PACS2: variants seen among roughly 807,000 people sequenced by gnomAD.
PACS2 encodes phosphofurin acidic cluster sorting protein 2.
Under a neutral mutation model 113.0 loss-of-function variants are expected in PACS2, and 36 were observed. The ratio of observed to expected loss-of-function variants is 0.32; its 90% CI spans 0.24 to 0.42. PACS2 has a LOEUF of 0.42. PACS2 is among the 10% of genes least tolerant of loss of function. The probability of loss-of-function intolerance (pLI) is 1.00; values close to 1 mark genes in which losing one functional copy is unlikely to be tolerated. For synonymous variants in PACS2, 589 were observed against 536.1 expected (o/e 1.10, Z -1.36); for missense variants, 1,015 against 1,239.5 (o/e 0.82, Z 2.72).
At chr14:105,364,270 G>A (rs1170170274) in intron 4 of PACS2, among the ~76,000 whole-genome samples, 2 of 151,688 alleles carry the variant, frequency 1.3e-5, no homozygotes, top group East Asian at 1.9e-4. Flanking sequence ...GCTGCAGCCC[G>A]GGTGCGCGGT....
At chr14:105,325,545 A>G (rs947834034) in intron 1 of PACS2, among the ~76,000 whole-genome samples, 1 of 152,204 alleles carries the variant, frequency 6.6e-6, no homozygotes, top group Non-Finnish European at 1.5e-5. Flanking sequence ...AGCAGCTGGC[A>G]GCAGCCGCCA....
intron 1 of PACS2, among the ~76,000 whole-genome samples, chr14:105,322,670 A>T (rs1595567036): frequency 1.3e-5 from 2 of 152,292 alleles, no homozygotes; most frequent in South Asian, 4.1e-4. Context: ...TTTCATGTTT[A>T]TATTTATATG....
At chr14:105,386,900 C>CTG (rs1311261948) in intron 19 of PACS2, among the ~76,000 whole-genome samples, 1 of 152,228 alleles carries the variant, frequency 6.6e-6, no homozygotes, top group Admixed American at 6.5e-5. Context: ...TGCCCCCTGG[C>CTG]TGTGGCACGA....
intron 24 of PACS2, chr14:105,393,593 GTT>G (rs1371106566): frequency 8.3e-4 from 255 of 308,228 alleles, no homozygotes; most frequent in South Asian, 1.5e-3. Flanking sequence ...TTTTGTTTTG[GTT>G]TTTTTTTTTT....
intron 4 of PACS2, among the ~76,000 whole-genome samples, chr14:105,361,795 C>G (rs143235945): frequency 0.013 from 2,033 of 152,038 alleles, 50 homozygotes; most frequent in African/African-American, 0.046. Flanking sequence ...ACTAAAAATA[C>G]AAAATTAGCT....
chr14:105,329,302 C>T lies in PACS2; in HGVS notation c.119+14265C>T, dbSNP rs1008293673. ...TGTGATCTCTGTCCCCGTCTTCTCCCGGCTTCCTTGGGTCCTGTGTGCCCA... is the reference window on the plus strand; with the variant it reads ...TGTGATCTCTGTCCCCGTCTTCTCCTGGCTTCCTTGGGTCCTGTGTGCCCA... On this transcript the variant is annotated intron_variant, in intron 1 of 24. Transcript: ENST00000447393. This position sits in a 1 kb window ranked among gnomAD's most constrained non-coding sequence, Gnocchi z 6.4. Among the ~76,000 whole-genome samples, 4 of 152,174 alleles carry T rather than the reference C, an allele frequency of 2.6e-5. No individual in the cohort carries two copies. The highest frequency in any genetic ancestry group is 1.9e-4 in the East Asian group (1 of 5,194).
At chr14:105,338,976 A>G (rs2059625768) in intron 1 of PACS2, among the ~76,000 whole-genome samples, 1 of 152,144 alleles carries the variant, frequency 6.6e-6, no homozygotes, top group East Asian at 1.9e-4. Context: ...CCTGCCTTCA[A>G]CTGACTGCAG....
In PACS2 at chr14:105,355,159, C is replaced by T; in HGVS notation, c.405C>T (p.Gly135=). 1.2e-6 allele frequency: 2 copies of T among 1,613,362 alleles called. No individual in the cohort carries two copies. Among genetic ancestry groups the T allele is most frequent in the Non-Finnish European group, 1.7e-6 (2 of 1,179,910 alleles). ...TILGYKTLAA[G]SISMAEVMQH... ...TGGGCTACAAGACGCTGGCCGCGGG[C>T]TCCATCAGCATGGCTGAGGTGAGTG... Residue 135 remains glycine (G), a synonymous_variant, in exon 4 of 25, where the codon GGC becomes GGT. Transcript: ENST00000447393. The surrounding 1 kb of genome is among the most constrained non-coding windows in gnomAD (Gnocchi z 4.1).
chr14:105,367,063 T>C, intron 4 of PACS2, 150 bp from the exon 5 acceptor site: 1 of 662,738 alleles, frequency 1.5e-6, no homozygotes, highest in Non-Finnish European at 2.6e-6. Flanking sequence ...TCCTGTCCAC[T>C]GGATGCTCCC....
intron 20 of PACS2, 109 bp downstream of exon 20, chr14:105,390,112 G>A (rs2081307194): frequency 2.0e-6 from 2 of 992,620 alleles, no homozygotes; most frequent in African/African-American, 1.6e-5. Context: ...CCTTCCCACA[G>A]ATACGAGCTG....
At chr14:105,392,480 C>T (rs1213484830) in intron 22 of PACS2, 139 bp from the exon 23 acceptor site, 2 of 698,332 alleles carry the variant, frequency 2.9e-6, no homozygotes, top group Non-Finnish European at 4.9e-6. Flanking sequence ...ACAGAGCATG[C>T]TCCAAGCACC....
chr14:105,327,380 G>C (rs895833500), intron 1 of PACS2, among the ~76,000 whole-genome samples: 7 of 152,248 alleles, frequency 4.6e-5, no homozygotes, highest in Non-Finnish European at 8.8e-5. Flanking sequence ...TCGTGGGCCT[G>C]AGGGGCGGGG....
chr14:105,392,528 C>T, intron 22 of PACS2, 91 bp from the exon 23 acceptor site: 3 of 1,164,798 alleles, frequency 2.6e-6, no homozygotes, highest in Non-Finnish European at 3.7e-6. Context: ...CAGGTGCTGG[C>T]TGTCACCTCC....
chr14:105,383,305 C>T (rs782742903), intron 15 of PACS2, 54 bp from the exon 16 acceptor site: 219 of 1,587,592 alleles, frequency 1.4e-4, no homozygotes, highest in Non-Finnish European at 1.7e-4. Flanking sequence ...GGATGGAGGA[C>T]GGCTCCCCTG....
intron 8 of PACS2, among the ~76,000 whole-genome samples, chr14:105,374,162 A>C (rs1370238593): frequency 6.6e-6 from 1 of 152,056 alleles, no homozygotes; most frequent in Admixed American, 6.6e-5. Flanking sequence ...CTCAAAAAAA[A>C]AAAAAAAAAC....
intron 1 of PACS2, among the ~76,000 whole-genome samples, chr14:105,346,061 C>T (rs2059906996): frequency 6.6e-6 from 1 of 152,138 alleles, no homozygotes; most frequent in South Asian, 2.1e-4. Context: ...CACTGACGGG[C>T]GACAGTGGAC....
Position 105,392,828 on chromosome 14 carries a change from A to T in PACS2, c.2465A>T (p.Lys822Met). Residue 822 changes from lysine (K) to methionine (M), a missense_variant, in exon 23 of 25, where the codon AAG becomes ATG. By Grantham distance (95) the Lys-to-Met change is moderately conservative (BLOSUM62 -1). This residue lies in a region of PACS2 where 859 missense variants were observed against 1,056.8 expected (regional missense o/e 0.81). Transcript: ENST00000447393. ...TPTMSMTVVT[K>M]EKNKKVMFLP... ...ACCATGTCCATGACCGTGGTCACCA[A>T]GGAGAAGAACAAGAAGGGTGAGGTG... 1 of 1,604,410 alleles carries T rather than the reference A, an allele frequency of 6.2e-7. No individual in the cohort carries two copies. Among genetic ancestry groups the T allele is most frequent in the South Asian group, 1.1e-5 (1 of 91,052 alleles).
Position 105,358,780 on chromosome 14 carries a change from G to A in PACS2, c.423+3603G>A, listed in dbSNP as rs1170683171. ...CCAAGGGGACCTGTGAGGGGCGGGCGGCTCATGGTGGGACACAGGAAGACC... is the reference window on the plus strand; with the variant it reads ...CCAAGGGGACCTGTGAGGGGCGGGCAGCTCATGGTGGGACACAGGAAGACC... On this transcript the variant is annotated intron_variant, in intron 4 of 24. Coordinates refer to ENST00000447393, the MANE Select transcript of PACS2 (RefSeq NM_001100913.3). The surrounding 1 kb of genome is among the most constrained non-coding windows in gnomAD (Gnocchi z 4.9). Among the ~76,000 whole-genome samples the A allele has an allele frequency of 6.6e-6, 1 of 152,190 alleles. No homozygotes were observed. Among genetic ancestry groups the A allele is most frequent in the African/African-American group, 2.4e-5 (1 of 41,438 alleles).
chr14:105,376,667 C>A lies in PACS2; in HGVS notation c.802-101C>A. On this transcript the variant is annotated intron_variant, in intron 8 of 24. Coordinates refer to ENST00000447393, the MANE Select transcript of PACS2 (RefSeq NM_001100913.3). The surrounding 1 kb of genome is among the most constrained non-coding windows in gnomAD (Gnocchi z 4.7). ...AGTGGAGGGGTTTGGTGGCTGGGTGCCCGCCTCCTATTGCTCCTGCAGACT... is the reference window on the plus strand; with the variant it reads ...AGTGGAGGGGTTTGGTGGCTGGGTGACCGCCTCCTATTGCTCCTGCAGACT... 3 of 1,116,748 alleles carry A rather than the reference C, an allele frequency of 2.7e-6. No individual in the cohort carries two copies. Among genetic ancestry groups the A allele is most frequent in the Admixed American group, 2.3e-5 (1 of 43,094 alleles). 69.2% of individuals were successfully genotyped at this position (1,116,748 alleles called of 1,614,324 possible).
Sources: gnomAD v4.1 joint callset for allele counts (sites outside exome capture counted in the v4.1 genomes callset) on GRCh38, gnomAD v4.1.1 for gene constraint, gnomAD v4.1.1 regional missense constraint, Gnocchi (gnomAD v3.1) non-coding constraint, MANE v1.5 for transcripts, NCBI Gene and HGNC (gene_info 2026-07-23, HGNC 2026-07-21) for gene names.